The following FUT9 variants were observed in gnomAD, a reference collection of about 807,000 sequenced individuals.
FUT9 encodes the protein 4-galactosyl-N-acetylglucosaminide 3-alpha-L-fucosyltransferase 9.
A neutral mutation model predicts 29.7 loss-of-function variants in FUT9; 15 were observed. The observed-to-expected ratio is 0.51, with a 90% CI of 0.34 to 0.78. The LOEUF is 0.78. Among genes scored for constraint, FUT9 ranks in the 30% least tolerant of loss-of-function variants. The pLI is 0.01. For missense variants in FUT9, 319 were observed against 425.4 expected (o/e 0.75, Z 2.20); for synonymous variants, 169 against 153.7 (o/e 1.10, Z -0.74).
At chr6:96,170,073 A>T (rs1469620638) in intron 2 of FUT9, among the ~76,000 whole-genome samples, 1 of 152,200 alleles carries the variant, frequency 6.6e-6, no homozygotes, top group African/African-American at 2.4e-5. Flanking sequence ...ATATGTTTTG[A>T]AAAGTCTAAT....
Position 96,206,458 on chromosome 6 carries a change from T to C in FUT9, c.*2223T>C, listed in dbSNP as rs1200067752. 1.2e-5 allele frequency: 2 copies of C among 166,814 alleles called. No homozygotes were observed. Among genetic ancestry groups the C allele is most frequent in the Non-Finnish European group, 2.9e-5 (2 of 68,056 alleles). 10.3% of individuals were successfully genotyped at this position (166,814 alleles called of 1,614,324 possible). On this transcript the variant is annotated 3_prime_UTR_variant, in exon 3 of 3. Transcript: ENST00000302103. Reference sequence around the variant, plus strand: ...GCTAACAAGTTTAGAAAGCACCTGCTTTTTTTTATTATTATTATTTTTGTG... The same window carrying C: ...GCTAACAAGTTTAGAAAGCACCTGCCTTTTTTTATTATTATTATTTTTGTG...
intron 2 of FUT9, among the ~76,000 whole-genome samples, chr6:96,148,471 T>G (rs910596784): frequency 6.6e-6 from 1 of 152,186 alleles, no homozygotes; most frequent in African/African-American, 2.4e-5. Context: ...AATTTACAGT[T>G]TCGCTTTCAG....
chr6:96,118,506 A>G (rs969398582), intron 2 of FUT9, among the ~76,000 whole-genome samples: 1 of 152,218 alleles, frequency 6.6e-6, no homozygotes, highest in African/African-American at 2.4e-5. Context: ...GGTGTAAACA[A>G]ACTTATTGCA....
At chr6:96,138,253 A>T (rs140320514) in intron 2 of FUT9, among the ~76,000 whole-genome samples, 74 of 152,334 alleles carry the variant, frequency 4.9e-4, no homozygotes, top group Middle Eastern at 3.4e-3. Flanking sequence ...ACAAAGAAAG[A>T]GGAATTGTAA....
chr6:96,034,293 T>C (rs1009288998), intron 1 of FUT9, among the ~76,000 whole-genome samples: 1 of 151,630 alleles, frequency 6.6e-6, no homozygotes, highest in Non-Finnish European at 1.5e-5. Context: ...ATTATAACTA[T>C]TACTGAAAGA....
At chr6:96,176,351 T>C (rs1321780283) in intron 2 of FUT9, among the ~76,000 whole-genome samples, 1 of 151,406 alleles carries the variant, frequency 6.6e-6, no homozygotes, top group Non-Finnish European at 1.5e-5. Flanking sequence ...TAATATACAA[T>C]GATATATAAT....
intron 2 of FUT9, among the ~76,000 whole-genome samples, chr6:96,192,348 G>A (rs1377731618): frequency 6.6e-6 from 1 of 152,148 alleles, no homozygotes; most frequent in Admixed American, 6.6e-5. Context: ...AGCAACTTCA[G>A]CAAAGTCTCA....
intron 2 of FUT9, among the ~76,000 whole-genome samples, chr6:96,171,784 T>C (rs554853877): frequency 6.6e-6 from 1 of 152,320 alleles, no homozygotes; most frequent in African/African-American, 2.4e-5. Context: ...ATGGGATTTC[T>C]ACTCTTGGTT....
At chr6:96,143,521 CCTT>C (rs1772504518) in intron 2 of FUT9, among the ~76,000 whole-genome samples, 1 of 152,092 alleles carries the variant, frequency 6.6e-6, no homozygotes, top group African/African-American at 2.4e-5. Context: ...ATCTCCTCCT[CCTT>C]CTTTCTCTCT....
At chr6:96,104,102 C>A (rs1771635866) in intron 1 of FUT9, among the ~76,000 whole-genome samples, 1 of 152,148 alleles carries the variant, frequency 6.6e-6, no homozygotes, top group Non-Finnish European at 1.5e-5. Flanking sequence ...AAGTTTATAA[C>A]ACAAATGTAC....
At chr6:96,084,294 T>C (rs1771283397) in intron 1 of FUT9, among the ~76,000 whole-genome samples, 1 of 152,142 alleles carries the variant, frequency 6.6e-6, no homozygotes, top group Non-Finnish European at 1.5e-5. Context: ...TTAAATTTCC[T>C]GGAAAGACCA....
chr6:96,178,397 T>C (rs1002163368), intron 2 of FUT9, among the ~76,000 whole-genome samples: 4 of 152,212 alleles, frequency 2.6e-5, no homozygotes, highest in Non-Finnish European at 5.9e-5. Context: ...GTCATTTCTA[T>C]TGTGCCACTA....
chr6:96,019,211 C>T (rs547238294), intron 1 of FUT9, among the ~76,000 whole-genome samples: 14 of 151,976 alleles, frequency 9.2e-5, no homozygotes, highest in Non-Finnish European at 1.8e-4. Flanking sequence ...CACATATTTA[C>T]ACCTCACACA....
At chr6:96,157,215 C>A (rs1037875118) in intron 2 of FUT9, among the ~76,000 whole-genome samples, 2 of 152,130 alleles carry the variant, frequency 1.3e-5, no homozygotes, top group African/African-American at 4.8e-5. Flanking sequence ...CCTTCACTTT[C>A]GTTTTCTCTT....
chr6:96,048,984 A>G (rs1268696870), intron 1 of FUT9, among the ~76,000 whole-genome samples: 1 of 152,140 alleles, frequency 6.6e-6, no homozygotes, highest in Non-Finnish European at 1.5e-5. Flanking sequence ...TTCTTCTGGG[A>G]TAGTTATAAT....
intron 1 of FUT9, among the ~76,000 whole-genome samples, chr6:96,061,687 C>T (rs1770877278): frequency 6.6e-6 from 1 of 152,166 alleles, no homozygotes; most frequent in Non-Finnish European, 1.5e-5. Context: ...AGCTGCCCAT[C>T]TAAGCCTTGT....
intron 1 of FUT9, among the ~76,000 whole-genome samples, chr6:96,058,023 A>T (rs993230995): frequency 3.3e-5 from 5 of 152,026 alleles, no homozygotes; most frequent in Admixed American, 1.3e-4. Context: ...ACATGATCTC[A>T]TCTGGACTGC....
chr6:96,145,081 G>A (rs1772540917), intron 2 of FUT9, among the ~76,000 whole-genome samples: 1 of 152,022 alleles, frequency 6.6e-6, no homozygotes, highest in Middle Eastern at 3.4e-3. Flanking sequence ...TGTTTGAGAT[G>A]GAGTCTTGCT....
At chr6:96,151,568 A>G (rs1772676570) in intron 2 of FUT9, among the ~76,000 whole-genome samples, 1 of 152,204 alleles carries the variant, frequency 6.6e-6, no homozygotes, top group African/African-American at 2.4e-5. Context: ...AAATGGCTTC[A>G]GAGTACATCT....
Sources: allele counts gnomAD v4.1 joint callset (sites outside exome capture counted in the v4.1 genomes callset), GRCh38; gene constraint gnomAD v4.1.1; transcripts MANE v1.5; gene names NCBI Gene and HGNC (gene_info 2026-07-23, HGNC 2026-07-21).